The following TNFRSF19 variants were observed in gnomAD, a reference collection of about 807,000 sequenced individuals.
The protein encoded by TNFRSF19 is tumor necrosis factor receptor superfamily member 19.
TNFRSF19 carries 27 observed loss-of-function variants against 46.4 expected under a neutral mutation model. The ratio of observed to expected loss-of-function variants is 0.58; its 90% CI spans 0.43 to 0.80. TNFRSF19 has a LOEUF of 0.80. Ranked by LOEUF, TNFRSF19 falls within the 30% of genes least tolerant of loss-of-function variation. TNFRSF19 has a pLI of 0.00. For synonymous variants in TNFRSF19, 204 were observed against 205.0 expected (o/e 1.00, Z 0.04); for missense variants, 511 against 530.8 (o/e 0.96, Z 0.37).
intron 3 of TNFRSF19, among the ~76,000 whole-genome samples, chr13:23,614,797 G>A (rs1178703325): frequency 2.1e-5 from 3 of 143,182 alleles, no homozygotes; most frequent in African/African-American, 8.0e-5. Context: ...TAGTGTAGTG[G>A]TTATGAAGCC....
At chr13:23,647,348 C>G (rs1437084193) in intron 5 of TNFRSF19, among the ~76,000 whole-genome samples, 2 of 152,086 alleles carry the variant, frequency 1.3e-5, no homozygotes, top group Non-Finnish European at 2.9e-5. Flanking sequence ...TTTAAGAAAC[C>G]ATTCCAAGCC....
At chr13:23,652,352 A>T (rs963531917) in intron 5 of TNFRSF19, among the ~76,000 whole-genome samples, 8 of 152,222 alleles carry the variant, frequency 5.3e-5, no homozygotes, top group Non-Finnish European at 1.0e-4. Context: ...GTGTTGGAAG[A>T]AGTGGTTCAC....
intron 4 of TNFRSF19, 70 bp from the exon 5 acceptor site, chr13:23,626,637 G>C: frequency 6.8e-7 from 1 of 1,460,328 alleles, no homozygotes; most frequent in African/African-American, 1.4e-5. Context: ...GGAGACTGCT[G>C]GTAATTTATG....
At chr13:23,637,226 A>T (rs977966872) in intron 5 of TNFRSF19, among the ~76,000 whole-genome samples, 2 of 152,220 alleles carry the variant, frequency 1.3e-5, no homozygotes, top group African/African-American at 4.8e-5. Context: ...TAATTTTCTC[A>T]TAACTATCTC....
intron 3 of TNFRSF19, among the ~76,000 whole-genome samples, chr13:23,604,366 T>C (rs1342581123): frequency 2.0e-5 from 3 of 151,476 alleles, no homozygotes; most frequent in Non-Finnish European, 4.4e-5. Flanking sequence ...AAGAACTAAA[T>C]AAATGGAGAG....
chr13:23,673,662 G>T lies in TNFRSF19; in HGVS notation c.*282G>T. 1 of 858,634 alleles carries T rather than the reference G, an allele frequency of 1.2e-6. No homozygotes were observed. Among genetic ancestry groups the T allele is most frequent in the Non-Finnish European group, 1.5e-6 (1 of 655,890 alleles). 53.2% of individuals were successfully genotyped at this position (858,634 alleles called of 1,614,324 possible). A position where few individuals can be genotyped will look rare whatever the true frequency, so the allele number is the denominator to read the frequency against. ...TCTCTGCCACAAAAGTGACTTCAAAGACGGATGGGTTGAGCTGGCAGCCTA... is the reference window on the plus strand; with the variant it reads ...TCTCTGCCACAAAAGTGACTTCAAATACGGATGGGTTGAGCTGGCAGCCTA... On this transcript the variant is annotated 3_prime_UTR_variant, in exon 10 of 10. Coordinates refer to ENST00000248484, the MANE Select transcript of TNFRSF19 (RefSeq NM_148957.4).
chr13:23,650,209 A>G (rs937750941), intron 5 of TNFRSF19, among the ~76,000 whole-genome samples: 3 of 152,226 alleles, frequency 2.0e-5, no homozygotes, highest in Non-Finnish European at 2.9e-5. Flanking sequence ...TGTAATGGCA[A>G]TAATGTATCT....
chr13:23,583,249 G>T (rs1439547614), intron 1 of TNFRSF19, among the ~76,000 whole-genome samples: 1 of 152,116 alleles, frequency 6.6e-6, no homozygotes, highest in African/African-American at 2.4e-5. Flanking sequence ...ATTCAAATAA[G>T]TAGGCCATAA....
At chr13:23,579,916 G>A (rs1161627351) in intron 1 of TNFRSF19, among the ~76,000 whole-genome samples, 2 of 151,900 alleles carry the variant, frequency 1.3e-5, no homozygotes, top group African/African-American at 4.8e-5. Context: ...TCCTGCGGAG[G>A]TCCCCTGAGC....
intron 5 of TNFRSF19, among the ~76,000 whole-genome samples, chr13:23,644,010 C>G (rs978538968): frequency 1.3e-5 from 2 of 152,174 alleles, no homozygotes; most frequent in African/African-American, 4.8e-5. Flanking sequence ...TATGAATCAT[C>G]AGTATTAATA....
intron 5 of TNFRSF19, among the ~76,000 whole-genome samples, chr13:23,627,608 C>T (rs1227974199): frequency 1.3e-5 from 2 of 152,186 alleles, no homozygotes; most frequent in Non-Finnish European, 2.9e-5. Flanking sequence ...AGGAGAGCCG[C>T]ACTTCACGGC....
At chr13:23,586,094 T>C (rs1457702461) in intron 1 of TNFRSF19, among the ~76,000 whole-genome samples, 1 of 151,238 alleles carries the variant, frequency 6.6e-6, no homozygotes, top group Non-Finnish European at 1.5e-5. Context: ...CCGTCTCTAC[T>C]AAAAATACAA....
At chr13:23,575,011 C>G (rs1480748867) in intron 1 of TNFRSF19, among the ~76,000 whole-genome samples, 1 of 152,212 alleles carries the variant, frequency 6.6e-6, no homozygotes, top group Non-Finnish European at 1.5e-5. Context: ...AACCCACTGT[C>G]TTTGAGAGGA....
Position 23,590,187 on chromosome 13 carries a change from G to A in TNFRSF19, c.4G>A (p.Ala2Thr). 1.9e-6 allele frequency: 3 copies of A among 1,588,142 alleles called. No individual in the cohort carries two copies. The highest frequency in any genetic ancestry group is 2.6e-6 in the Non-Finnish European group (3 of 1,164,362). The change falls in exon 2 of 10, where the codon GCT becomes ACT. Residue 2 changes from alanine to threonine, a missense_variant. By Grantham distance (58) the Ala-to-Thr change is moderately conservative. Coordinates refer to ENST00000248484, the MANE Select transcript of TNFRSF19 (RefSeq NM_148957.4). M[A>T]LKVLLEQEKT... ...ATAAATACATTTGATAAGAAAGATGGCTTTAAAAGTGCTACTAGAACAAGA... is the reference window on the plus strand; with the variant it reads ...ATAAATACATTTGATAAGAAAGATGACTTTAAAAGTGCTACTAGAACAAGA...
At chr13:23,576,827 A>C (rs1452519929) in intron 1 of TNFRSF19, among the ~76,000 whole-genome samples, 1 of 152,202 alleles carries the variant, frequency 6.6e-6, no homozygotes, top group Admixed American at 6.5e-5. Context: ...TGAAGCCATG[A>C]TGTAAAATCC....
chr13:23,668,111 C>A, intron 8 of TNFRSF19, 29 bp downstream of exon 8: 2 of 1,553,158 alleles, frequency 1.3e-6, no homozygotes, highest in Non-Finnish European at 1.8e-6. Flanking sequence ...TCAATCATTT[C>A]ATAACCCCCT....
At chr13:23,673,334 A>G (rs770084158) in intron 9 of TNFRSF19, 38 bp from the exon 10 acceptor site, 3 of 1,584,806 alleles carry the variant, frequency 1.9e-6, no homozygotes, top group Non-Finnish European at 8.6e-7. Context: ...AACTTGTAAG[A>G]CATTATTTCT....
chr13:23,643,899 C>T (rs1016400440), intron 5 of TNFRSF19, among the ~76,000 whole-genome samples: 2 of 152,178 alleles, frequency 1.3e-5, no homozygotes, highest in African/African-American at 4.8e-5. Flanking sequence ...TACCCTGGCT[C>T]ATAGCCCTTA....
intron 1 of TNFRSF19, among the ~76,000 whole-genome samples, chr13:23,587,481 C>T (rs565436478): frequency 7.4e-4 from 113 of 152,320 alleles, no homozygotes; most frequent in African/African-American, 2.7e-3. Context: ...CTAGCCTAGT[C>T]CTGCCTCCTT....
Sources: allele counts gnomAD v4.1 joint callset (sites outside exome capture counted in the v4.1 genomes callset), GRCh38; gene constraint gnomAD v4.1.1; transcripts MANE v1.5; gene names NCBI Gene and HGNC (gene_info 2026-07-23, HGNC 2026-07-21).